Variants in PLXDC2 observed in about 807,000 individuals in gnomAD.
PLXDC2 encodes plexin domain-containing protein 2.
PLXDC2 carries 40 observed loss-of-function variants against 68.9 expected under a neutral mutation model. That is an observed-to-expected ratio of 0.58 (90% CI 0.45 to 0.76). The LOEUF (loss-of-function observed/expected upper bound fraction) is 0.76. PLXDC2 is among the 30% of genes least tolerant of loss of function. The pLI is 0.00. For synonymous variants in PLXDC2, 243 were observed against 234.2 expected (o/e 1.04, Z -0.34); for missense variants, 644 against 661.9 (o/e 0.97, Z 0.30).
chr10:19,830,061 C>G (rs1836658947), intron 1 of PLXDC2, among the ~76,000 whole-genome samples: 1 of 152,160 alleles, frequency 6.6e-6, no homozygotes, highest in Admixed American at 6.5e-5. Context: ...ATTTGCTTCT[C>G]TGGAGAGAAT....
intron 1 of PLXDC2, among the ~76,000 whole-genome samples, chr10:19,949,640 G>A (rs1479019574): frequency 1.3e-5 from 2 of 152,200 alleles, no homozygotes; most frequent in African/African-American, 2.4e-5. Flanking sequence ...CTGATTTGCT[G>A]TGTGAATATG....
intron 12 of PLXDC2, among the ~76,000 whole-genome samples, chr10:20,225,242 A>T (rs930002157): frequency 1.3e-5 from 2 of 152,182 alleles, no homozygotes; most frequent in African/African-American, 4.8e-5. Context: ...TTCTAAGCTT[A>T]TATTTTTATT....
intron 8 of PLXDC2, 29 bp from the exon 9 acceptor site, chr10:20,177,299 T>C (rs1368851268): frequency 6.5e-7 from 1 of 1,535,380 alleles, no homozygotes; most frequent in East Asian, 2.3e-5. Context: ...CTGTTAGTCT[T>C]GGTGAATCTG....
At chr10:20,130,574 TA>T (rs997857131) in intron 4 of PLXDC2, among the ~76,000 whole-genome samples, 1 of 152,150 alleles carries the variant, frequency 6.6e-6, no homozygotes, top group African/African-American at 2.4e-5. Flanking sequence ...ATCTTGTTAC[TA>T]ATCCCGAGAA....
chr10:20,084,980 G>C (rs1833171087), intron 4 of PLXDC2, among the ~76,000 whole-genome samples: 1 of 151,804 alleles, frequency 6.6e-6, no homozygotes, highest in African/African-American at 2.4e-5. Context: ...CTTTCTTTCA[G>C]TGTCTTTCCT....
intron 1 of PLXDC2, among the ~76,000 whole-genome samples, chr10:19,949,728 G>A (rs1241029329): frequency 6.6e-6 from 1 of 152,144 alleles, no homozygotes; most frequent in Admixed American, 6.6e-5. Context: ...CTAGAAAATA[G>A]CAATGTGATA....
chr10:20,237,069 A>C (rs1398666611), intron 12 of PLXDC2, among the ~76,000 whole-genome samples: 1 of 151,976 alleles, frequency 6.6e-6, no homozygotes, highest in African/African-American at 2.4e-5. Context: ...TATTTCCCTG[A>C]ATAAATTTCA....
At chr10:19,978,112 G>A (rs7902703) in intron 1 of PLXDC2, among the ~76,000 whole-genome samples, 81,599 of 151,888 alleles carry the variant, frequency 0.54, 21,909 homozygotes, top group East Asian at 0.6. Context: ...CTGGAGGCTA[G>A]ACTTTGTATC....
chr10:19,871,125 T>G (rs145656484), intron 1 of PLXDC2, among the ~76,000 whole-genome samples: 1 of 152,154 alleles, frequency 6.6e-6, no homozygotes, highest in African/African-American at 2.4e-5. Flanking sequence ...GCTGGAACAT[T>G]ATAGTATTTA....
At chr10:20,111,055 T>C (rs1833554153) in intron 4 of PLXDC2, among the ~76,000 whole-genome samples, 1 of 152,188 alleles carries the variant, frequency 6.6e-6, no homozygotes, top group South Asian at 2.1e-4. Flanking sequence ...CCTGCCTAGT[T>C]ATACAACAGA....
chr10:19,973,307 TACTCAC>T (rs1336189305), intron 1 of PLXDC2, among the ~76,000 whole-genome samples: 2 of 135,484 alleles, frequency 1.5e-5, no homozygotes, highest in African/African-American at 5.5e-5. Context: ...TATATATATA[TACTCAC>T]ATATATATGT....
intron 2 of PLXDC2, among the ~76,000 whole-genome samples, chr10:20,009,148 TA>T (rs1445397760): frequency 9.9e-5 from 15 of 152,204 alleles, no homozygotes; most frequent in Non-Finnish European, 1.9e-4. Context: ...AAAGGAGTAG[TA>T]AGACATCATC....
chr10:20,239,342 C>A (rs1271837474), intron 12 of PLXDC2, among the ~76,000 whole-genome samples: 1 of 152,138 alleles, frequency 6.6e-6, no homozygotes, highest in African/African-American at 2.4e-5. Flanking sequence ...AGTCCATTTT[C>A]ACACTGCTAT....
intron 13 of PLXDC2, among the ~76,000 whole-genome samples, chr10:20,260,657 G>T (rs1835798419): frequency 6.6e-6 from 1 of 152,108 alleles, no homozygotes; most frequent in Admixed American, 6.5e-5. Flanking sequence ...CTATGAACAT[G>T]GGAATGAAAA....
chr10:20,267,435 A>G (rs926927929), intron 13 of PLXDC2, among the ~76,000 whole-genome samples: 8 of 152,172 alleles, frequency 5.3e-5, no homozygotes, highest in African/African-American at 1.9e-4. Context: ...GATAGCACCA[A>G]GAAGGCAGCA....
At position 20,177,377 on chromosome 10, in the gene PLXDC2, C is replaced by T; in HGVS notation, c.1029C>T (p.Gly343=). 1.3e-6 allele frequency: 2 copies of T among 1,596,954 alleles called. No individual in the cohort carries two copies. The highest frequency in any genetic ancestry group is 1.7e-6 in the Non-Finnish European group (2 of 1,165,694). ...RCGPCVSSQI[G]FNCSWCSKLQ... is the part of the protein sequence containing the mutation. ...GCCCCTGTGTATCTTCTCAGATTGG[C>T]TTCAACTGCAGTTGGTGTAGTAAAC... Residue 343 remains glycine (G), a synonymous_variant, in exon 9 of 14, where the codon GGC becomes GGT. Transcript: ENST00000377252.
chr10:20,276,873 T>G (rs1327417334), intron 13 of PLXDC2, among the ~76,000 whole-genome samples: 1 of 152,100 alleles, frequency 6.6e-6, no homozygotes, highest in Non-Finnish European at 1.5e-5. Context: ...CCCCGTACTC[T>G]GGGTAGGTGG....
In PLXDC2 at chr10:19,828,103, A is replaced by G. The variant is rs557983618; in HGVS notation, c.112+10912A>G. 1.4e-4 allele frequency among the ~76,000 whole-genome samples: 22 copies of G among 152,338 alleles called. No homozygotes were observed. In the South Asian group the frequency reaches 2.9e-3, roughly 20 times the overall value. ...CGATGGAGGAGTGAGCTCAACTCAAATAACACATGGACATGATGATATTTT... is the reference window on the plus strand; with the variant it reads ...CGATGGAGGAGTGAGCTCAACTCAAGTAACACATGGACATGATGATATTTT... On this transcript the variant is annotated intron_variant, in intron 1 of 13. Transcript: ENST00000377252.
At chr10:20,257,250 T>C (rs1211729485) in intron 13 of PLXDC2, among the ~76,000 whole-genome samples, 2 of 152,202 alleles carry the variant, frequency 1.3e-5, no homozygotes, top group African/African-American at 4.8e-5. Context: ...TCTTAGAGGA[T>C]ATTTTGACAG....
Sources: gnomAD v4.1 joint callset for allele counts (sites outside exome capture counted in the v4.1 genomes callset) on GRCh38, gnomAD v4.1.1 for gene constraint, MANE v1.5 for transcripts, NCBI Gene and HGNC (gene_info 2026-07-23, HGNC 2026-07-21) for gene names.